IGSF21: variants seen among roughly 807,000 people sequenced by gnomAD.
The protein encoded by IGSF21 is immunoglobulin superfamily member 21.
IGSF21 carries 28 observed loss-of-function variants against 46.8 expected under a neutral mutation model. The ratio of observed to expected loss-of-function variants is 0.60; its 90% CI spans 0.44 to 0.82. The LOEUF (loss-of-function observed/expected upper bound fraction) is 0.82. IGSF21 is among the 40% of genes least tolerant of loss of function. The pLI is 0.00. For missense variants in IGSF21, 624 were observed against 665.5 expected (o/e 0.94, Z 0.69); for synonymous variants, 284 against 273.6 (o/e 1.04, Z -0.38).
At chr1:18,122,633 T>C (rs184351956) in intron 1 of IGSF21, among the ~76,000 whole-genome samples, 1 of 151,130 alleles carries the variant, frequency 6.6e-6, no homozygotes, top group Admixed American at 6.6e-5. Flanking sequence ...CTTTTTTTTT[T>C]TTTTTGAGAT....
chr1:18,204,706 T>A (rs2087108823), intron 1 of IGSF21, among the ~76,000 whole-genome samples: 1 of 152,142 alleles, frequency 6.6e-6, no homozygotes, highest in Non-Finnish European at 1.5e-5. Flanking sequence ...CTCTCAGTCC[T>A]GGAAAGAGAG....
chr1:18,308,381 C>T (rs2085448678), intron 3 of IGSF21, among the ~76,000 whole-genome samples: 1 of 152,184 alleles, frequency 6.6e-6, no homozygotes, highest in Non-Finnish European at 1.5e-5. Flanking sequence ...GTAGTGAGCA[C>T]CTCTGATGCA....
At chr1:18,203,906 A>G (rs1287809539) in intron 1 of IGSF21, among the ~76,000 whole-genome samples, 1 of 152,242 alleles carries the variant, frequency 6.6e-6, no homozygotes, top group Admixed American at 6.5e-5. Flanking sequence ...ATTTATAAAT[A>G]TGCAAATCAT....
chr1:18,296,596 T>C (rs554242134), intron 3 of IGSF21, among the ~76,000 whole-genome samples: 1 of 152,304 alleles, frequency 6.6e-6, no homozygotes, highest in Admixed American at 6.5e-5. Context: ...GTGACCTGCT[T>C]CAGGGAAAGG....
intron 1 of IGSF21, among the ~76,000 whole-genome samples, chr1:18,158,608 C>T (rs541455944): frequency 1.3e-5 from 2 of 152,136 alleles, no homozygotes; most frequent in Admixed American, 6.6e-5. Flanking sequence ...CCTGGCATCC[C>T]TCTGCCCTTG....
rs2085391479 is a variant in IGSF21, at chr1:18,304,419, CA to C, written c.305+12433del. On this transcript the variant is annotated intron_variant, in intron 3 of 9. Transcript: ENST00000251296. Reference sequence around the variant, plus strand: ...GCCACCATCCCCTCCAGACTCGGGACAGATCTGCTGGCAGCCTTCAGACATC... The same window carrying C: ...GCCACCATCCCCTCCAGACTCGGGACGATCTGCTGGCAGCCTTCAGACATC... Among the ~76,000 whole-genome samples the C allele has an allele frequency of 2.6e-5, 4 of 152,346 alleles. 1 individual carries two copies. In the South Asian group the frequency reaches 8.3e-4, roughly 32 times the overall value.
intron 2 of IGSF21, among the ~76,000 whole-genome samples, chr1:18,279,064 A>T (rs931494134): frequency 6.6e-6 from 1 of 152,228 alleles, no homozygotes; most frequent in African/African-American, 2.4e-5. Context: ...CCTGGGATCA[A>T]ACGAGAAGCA....
rs994196363 is a variant in IGSF21, at chr1:18,365,509, G to A, written c.827G>A (p.Arg276His). The change falls in exon 6 of 10, where the codon CGC (arginine) becomes CAC (histidine). Residue 276 changes from arginine (R) to histidine (H), a missense_variant. Coordinates refer to ENST00000251296, the MANE Select transcript of IGSF21 (RefSeq NM_032880.5). The surrounding 1 kb of genome is among the most constrained non-coding windows in gnomAD (Gnocchi z 4.8). ...PETVVSREFP[R>H]WVHSAEPTYF... Reference sequence around the variant, plus strand: ...ACGGTCGTGAGCCGTGAGTTTCCCCGCTGGGTCCACAGCGCCGAGCCCACC... The same window carrying A: ...ACGGTCGTGAGCCGTGAGTTTCCCCACTGGGTCCACAGCGCCGAGCCCACC... 3.8e-5 allele frequency: 61 copies of A among 1,613,522 alleles called. No homozygotes were observed. Among genetic ancestry groups the A allele is most frequent in the Non-Finnish European group, 4.8e-5 (57 of 1,179,984 alleles).
Position 18,321,305 on chromosome 1 carries a change from T to C in IGSF21, c.306-13587T>C, listed in dbSNP as rs2085598624. 4.6e-5 allele frequency among the ~76,000 whole-genome samples: 7 copies of C among 152,188 alleles called. No individual in the cohort carries two copies. In the South Asian group the frequency reaches 1.5e-3, roughly 32 times the overall value. On this transcript the variant is annotated intron_variant, in intron 3 of 9. Transcript: ENST00000251296. ...CGATGACCCCAGAGCCTCCACTCACTCTGCCTGCCCTTTATGACTCTCTCT... is the reference window on the plus strand; with the variant it reads ...CGATGACCCCAGAGCCTCCACTCACCCTGCCTGCCCTTTATGACTCTCTCT...
At chr1:18,354,483 A>G (rs2085993889) in intron 4 of IGSF21, among the ~76,000 whole-genome samples, 1 of 152,248 alleles carries the variant, frequency 6.6e-6, no homozygotes, top group South Asian at 2.1e-4. Context: ...TATATTAAAA[A>G]GGTGGTTTTC....
chr1:18,334,863 G>A lies in IGSF21; in HGVS notation c.306-29G>A, dbSNP rs533685261. ...GCCTCACCCAGCCCCACGATGAAGG[G>A]CCCTCACCCTGTCTTCTGCCTCCCC... On this transcript the variant is annotated intron_variant, in intron 3 of 9. Transcript: ENST00000251296. This position sits in a 1 kb window ranked among gnomAD's most constrained non-coding sequence, Gnocchi z 4.3. 52 of 1,547,738 alleles carry A rather than the reference G, an allele frequency of 3.4e-5. No homozygotes were observed. Among genetic ancestry groups the A allele is most frequent in the Non-Finnish European group, 4.5e-5 (50 of 1,120,044 alleles).
intron 2 of IGSF21, among the ~76,000 whole-genome samples, chr1:18,276,452 C>A (rs79550182): frequency 0.023 from 3,462 of 152,242 alleles, 281 homozygotes; most frequent in Admixed American, 0.15. Flanking sequence ...GCTTCCAGCC[C>A]CTAAGGCTTG....
chr1:18,289,356 G>A (rs771678922), intron 2 of IGSF21, among the ~76,000 whole-genome samples: 35 of 152,162 alleles, frequency 2.3e-4, no homozygotes, highest in Non-Finnish European at 4.6e-4. Context: ...TTCTCCTAAT[G>A]AGCCTGGCCA....
intron 2 of IGSF21, among the ~76,000 whole-genome samples, chr1:18,231,605 T>A (rs951319786): frequency 6.6e-6 from 1 of 152,234 alleles, no homozygotes; most frequent in Non-Finnish European, 1.5e-5. Flanking sequence ...ATGTTAACAT[T>A]TAAATTAAAT....
intron 4 of IGSF21, among the ~76,000 whole-genome samples, chr1:18,341,371 G>T (rs139692204): frequency 4.5e-4 from 69 of 152,102 alleles, no homozygotes; most frequent in African/African-American, 1.6e-3. Context: ...TCCAAATAAG[G>T]TTACATTTAT....
chr1:18,312,387 T>C (rs545900698), intron 3 of IGSF21, among the ~76,000 whole-genome samples: 2 of 152,326 alleles, frequency 1.3e-5, no homozygotes, highest in East Asian at 3.9e-4. Flanking sequence ...TAGCTTTTTA[T>C]TGCTTCTGTA....
At chr1:18,199,301 T>C (rs1001420628) in intron 1 of IGSF21, among the ~76,000 whole-genome samples, 4 of 152,130 alleles carry the variant, frequency 2.6e-5, no homozygotes, top group Non-Finnish European at 5.9e-5. Flanking sequence ...CCAGCCTCTA[T>C]CGCATCATCT....
intron 6 of IGSF21, among the ~76,000 whole-genome samples, chr1:18,370,340 G>T (rs1230232181): frequency 6.6e-6 from 1 of 152,134 alleles, no homozygotes; most frequent in Non-Finnish European, 1.5e-5. Flanking sequence ...GACCCCCAAG[G>T]CGGTTCAATC....
chr1:18,188,799 G>A (rs2086928062), intron 1 of IGSF21, among the ~76,000 whole-genome samples: 1 of 152,222 alleles, frequency 6.6e-6, no homozygotes, highest in African/African-American at 2.4e-5. Context: ...AGTTGATCAA[G>A]GACTCATAGC....
Sources: allele counts gnomAD v4.1 joint callset (sites outside exome capture counted in the v4.1 genomes callset), GRCh38; gene constraint gnomAD v4.1.1; non-coding constraint Gnocchi (gnomAD v3.1); transcripts MANE v1.5; gene names NCBI Gene and HGNC (gene_info 2026-07-23, HGNC 2026-07-21).